The following PDE1C variants were observed in gnomAD, a reference collection of about 807,000 sequenced individuals.
PDE1C encodes the protein phosphodiesterase 1C, also known as dual specificity calcium/calmodulin-dependent 3',5'-cyclic nucleotide phosphodiesterase 1C.
In PDE1C, 62 loss-of-function variants were observed where a neutral mutation model predicts 93.1. The ratio of observed to expected loss-of-function variants is 0.67; its 90% CI spans 0.54 to 0.82. The LOEUF (loss-of-function observed/expected upper bound fraction) is 0.82, where lower values mean the gene tolerates loss of function less well. PDE1C is among the 40% of genes least tolerant of loss of function. The pLI, the probability that PDE1C is intolerant of heterozygous loss-of-function variation, is 0.00. For synonymous variants in PDE1C, 325 were observed against 310.1 expected (o/e 1.05, Z -0.50); for missense variants, 742 against 884.6 (o/e 0.84, Z 2.04).
intron 1 of PDE1C, among the ~76,000 whole-genome samples, chr7:32,279,855 T>C (rs573831129): frequency 6.6e-6 from 1 of 152,296 alleles, no homozygotes; most frequent in South Asian, 2.1e-4. Context: ...AAACCTAATT[T>C]CTTGGTCTGA....
chr7:31,933,007 T>A (rs1048232520), intron 2 of PDE1C, among the ~76,000 whole-genome samples: 1 of 150,752 alleles, frequency 6.6e-6, no homozygotes, highest in Non-Finnish European at 1.5e-5. Context: ...TAAGTGGGAG[T>A]TGAATAATGA....
intron 2 of PDE1C, among the ~76,000 whole-genome samples, chr7:32,171,119 C>T (rs1241139121): frequency 1.3e-5 from 2 of 152,228 alleles, no homozygotes; most frequent in African/African-American, 4.8e-5. Flanking sequence ...CGTAACATGA[C>T]ATGGAAGCCC....
chr7:32,081,345 A>G (rs1285258063), intron 3 of PDE1C, among the ~76,000 whole-genome samples: 3 of 152,180 alleles, frequency 2.0e-5, no homozygotes, highest in Admixed American at 6.6e-5. Flanking sequence ...TGAATCAATG[A>G]GTCTCTTTTT....
rs1490784056 is a variant in PDE1C, at chr7:31,837,861, C to T, written c.1082+9G>A. ...TACAAACAAAAACACAAGCCACAAG[C>T]ACACTTACGCTTCTGGCTGCTGCAG... On this transcript the variant is annotated intron_variant, in intron 10 of 17. Coordinates refer to ENST00000396191, the MANE Select transcript of PDE1C (RefSeq NM_001191057.4). 6.3e-7 allele frequency: 1 copy of T among 1,597,906 alleles called. No homozygotes were observed. Among genetic ancestry groups the T allele is most frequent in the Admixed American group, 1.7e-5 (1 of 59,946 alleles).
At chr7:31,686,919 T>G in the PDE1C span, 1 of 152,210 alleles carries the variant, frequency 6.6e-6, no homozygotes, top group Non-Finnish European at 1.5e-5. Flanking sequence ...ATCACTTAAC[T>G]TCTTGTGCCT....
the PDE1C span, among the ~76,000 whole-genome samples, chr7:31,731,632 C>A: frequency 1.3e-5 from 2 of 152,198 alleles, no homozygotes; most frequent in Admixed American, 6.5e-5. Context: ...TCGTGATCCA[C>A]CCTCCTCGGC....
rs138408317 is a variant in PDE1C at position 32,384,350 on chromosome 7, T to C, written c.310+43472A>G. Among the ~76,000 whole-genome samples, 778 of 152,322 alleles carry C rather than the reference T, an allele frequency of 5.1e-3. 6 individuals carry two copies. The highest frequency in any genetic ancestry group is 0.018 in the African/African-American group (731 of 41,574). Reference sequence around the variant, plus strand: ...CTGAAGCAGACAGGTATTGCATAAATATATTTTGAGAAAGTAAACATCATC... The same window carrying C: ...CTGAAGCAGACAGGTATTGCATAAACATATTTTGAGAAAGTAAACATCATC... On this transcript the variant is annotated intron_variant, in intron 1 of 1. Coordinates refer to the PDE1C transcript ENST00000672256.
At chr7:31,950,455 G>C (rs917327899) in intron 2 of PDE1C, among the ~76,000 whole-genome samples, 1 of 152,104 alleles carries the variant, frequency 6.6e-6, no homozygotes, top group African/African-American at 2.4e-5. Flanking sequence ...CAATTTCCAA[G>C]ACATCCTCAA....
chr7:31,696,003 G>C, the PDE1C span: 1 of 155,662 alleles, frequency 6.4e-6, no homozygotes, highest in African/African-American at 2.4e-5. Flanking sequence ...ATGGGAGGTA[G>C]ACAGAGTGGA....
At position 32,064,349 on chromosome 7, in the gene PDE1C, C is replaced by T. The variant is rs748090501; in HGVS notation, c.101+5944G>A. Among the ~76,000 whole-genome samples the T allele has an allele frequency of 6.6e-5, 10 of 152,314 alleles. 1 individual carries two copies. Among genetic ancestry groups the T allele is most frequent in the Non-Finnish European group, 8.8e-5 (6 of 68,044 alleles). On this transcript the variant is annotated intron_variant, in intron 1 of 17. Transcript: ENST00000396191. ...CTGCTCTTATCTCCATAGTCCCTAACGAGGCAAATAACACCAAATTCACTG... is the reference window on the plus strand; with the variant it reads ...CTGCTCTTATCTCCATAGTCCCTAATGAGGCAAATAACACCAAATTCACTG...
At chr7:31,679,401 C>T in the PDE1C span, among the ~76,000 whole-genome samples, 5 of 152,254 alleles carry the variant, frequency 3.3e-5, no homozygotes, top group South Asian at 2.1e-4. Context: ...AATTTGCTTT[C>T]GCATATTCCT....
chr7:31,737,558 T>C, the PDE1C span, among the ~76,000 whole-genome samples: 2 of 151,944 alleles, frequency 1.3e-5, no homozygotes, highest in Non-Finnish European at 2.9e-5. Context: ...TGCCAGCACT[T>C]GGGGAGGCTG....
At chr7:32,150,118 T>C (rs541568056) in intron 3 of PDE1C, among the ~76,000 whole-genome samples, 34 of 152,302 alleles carry the variant, frequency 2.2e-4, no homozygotes, top group African/African-American at 7.5e-4. Context: ...CAGAACTGAC[T>C]CCCAGCACCG....
intron 2 of PDE1C, among the ~76,000 whole-genome samples, chr7:32,003,260 T>C (rs1398757934): frequency 2.0e-5 from 3 of 152,194 alleles, no homozygotes; most frequent in Non-Finnish European, 2.9e-5. Context: ...GGAGCACCCA[T>C]AAAGGAATTG....
the PDE1C span, among the ~76,000 whole-genome samples, chr7:31,717,705 G>A: frequency 6.6e-6 from 1 of 152,192 alleles, no homozygotes; most frequent in African/African-American, 2.4e-5. Flanking sequence ...ACCAGTTCTG[G>A]AGCTAGATAT....
intron 2 of PDE1C, among the ~76,000 whole-genome samples, chr7:31,901,653 T>C (rs1438322137): frequency 1.3e-5 from 2 of 151,282 alleles, no homozygotes; most frequent in Admixed American, 6.6e-5. Context: ...CATAGCCAAG[T>C]AATTTCTAAA....
chr7:31,895,264 C>T (rs1212335999), intron 2 of PDE1C, among the ~76,000 whole-genome samples: 3 of 152,128 alleles, frequency 2.0e-5, no homozygotes, highest in African/African-American at 2.4e-5. Context: ...GGTGCTACAG[C>T]CAGACCTCAG....
At chr7:31,749,839 G>A (rs139153171), downstream of PDE1C, among the ~76,000 whole-genome samples, 3,005 of 148,340 alleles carry the variant, frequency 0.02, 114 homozygotes, top group African/African-American at 0.07. Flanking sequence ...CCAGGTTCAA[G>A]TGATTCTCCT....
At chr7:31,676,959 C>T in the PDE1C span, among the ~76,000 whole-genome samples, 2 of 152,192 alleles carry the variant, frequency 1.3e-5, no homozygotes, top group South Asian at 4.1e-4. Flanking sequence ...CATCCAGTAA[C>T]CACACTCTGC....
Sources: allele counts gnomAD v4.1 joint callset (sites outside exome capture counted in the v4.1 genomes callset), GRCh38; gene constraint gnomAD v4.1.1; transcripts MANE v1.5; gene names NCBI Gene and HGNC (gene_info 2026-07-23, HGNC 2026-07-21).